The following MYPOP variants were observed in gnomAD, a reference collection of about 807,000 sequenced individuals.
MYPOP encodes myb-related transcription factor, partner of profilin.
In MYPOP, 21 loss-of-function variants were observed where a neutral mutation model predicts 25.7. That is an observed-to-expected ratio of 0.82 (90% CI 0.58 to 1.18). The LOEUF (loss-of-function observed/expected upper bound fraction) is 1.18. MYPOP is among the 50% of genes most tolerant of loss of function. The pLI, the probability that MYPOP is intolerant of heterozygous loss-of-function variation, is 0.00. For synonymous variants in MYPOP, 280 were observed against 247.9 expected (o/e 1.13, Z -1.22); for missense variants, 566 against 588.3 (o/e 0.96, Z 0.39).
rs965820452 is a variant in MYPOP, at chr19:45,901,992, C to G, written c.-52-167G>C. 2.0e-5 allele frequency among the ~76,000 whole-genome samples: 3 copies of G among 151,322 alleles called. No homozygotes were observed. Among genetic ancestry groups the G allele is most frequent in the African/African-American group, 7.3e-5 (3 of 41,176 alleles). On this transcript the variant is annotated intron_variant, in intron 1 of 2. Transcript: ENST00000322217. This position sits in a 1 kb window ranked among gnomAD's most constrained non-coding sequence, Gnocchi z 5.7. Reference sequence around the variant, plus strand: ...GTAAGTCGGAAGCGCCTAAGAGTAGCTGACACCGGCTGAGCGCTTGGCTCG... The same window carrying G: ...GTAAGTCGGAAGCGCCTAAGAGTAGGTGACACCGGCTGAGCGCTTGGCTCG...
intron 2 of MYPOP, among the ~76,000 whole-genome samples, chr19:45,893,890 C>T (rs1243388900): frequency 2.0e-5 from 3 of 148,760 alleles, no homozygotes; most frequent in East Asian, 2.0e-4. Context: ...CCTGGGTTCA[C>T]GCCATTCTCC....
At chr19:45,899,208 A>G (rs1381690967) in intron 2 of MYPOP, among the ~76,000 whole-genome samples, 1 of 152,226 alleles carries the variant, frequency 6.6e-6, no homozygotes. Flanking sequence ...CCTGGGCAAT[A>G]AGAGCAAAAC....
intron 2 of MYPOP, among the ~76,000 whole-genome samples, chr19:45,892,283 A>C (rs1280056099): frequency 1.3e-5 from 2 of 152,158 alleles, no homozygotes; most frequent in Non-Finnish European, 1.5e-5. Flanking sequence ...CTGGATCCTG[A>C]GGAAGTGAGA....
chr19:45,896,459 TAA>T (rs1268036939), intron 2 of MYPOP, among the ~76,000 whole-genome samples: 1 of 152,070 alleles, frequency 6.6e-6, no homozygotes, highest in Non-Finnish European at 1.5e-5. Flanking sequence ...GCTCCCCTCT[TAA>T]GTGATTCCAC....
At chr19:45,900,870 C>T (rs1024086736) in intron 2 of MYPOP, among the ~76,000 whole-genome samples, 2 of 152,176 alleles carry the variant, frequency 1.3e-5, no homozygotes, top group Admixed American at 6.6e-5. Context: ...CACAGCAACG[C>T]TTTGAGGTGC....
rs1439627699 is a variant in MYPOP at position 45,891,833 on chromosome 19, C to T, written c.500-510G>A. On this transcript the variant is annotated intron_variant, in intron 2 of 2. Coordinates refer to ENST00000322217, the MANE Select transcript of MYPOP (RefSeq NM_001012643.4). ...TGTACCCGGAGGAGAAAAAGTCCTGCCAGCTTTAGTGGAAACAGGTCCTGG... is the reference window on the plus strand; with the variant it reads ...TGTACCCGGAGGAGAAAAAGTCCTGTCAGCTTTAGTGGAAACAGGTCCTGG... 3.3e-5 allele frequency among the ~76,000 whole-genome samples: 5 copies of T among 152,184 alleles called. No homozygotes were observed. The East Asian group carries it at 9.6e-4, about 29-fold the overall frequency.
chr19:45,897,099 C>T (rs999798342), intron 2 of MYPOP, among the ~76,000 whole-genome samples: 2 of 150,858 alleles, frequency 1.3e-5, no homozygotes, highest in African/African-American at 2.4e-5. Flanking sequence ...AGGCTCACTC[C>T]ATCACCCAGG....
Position 45,901,145 on chromosome 19 carries a change from C to T in MYPOP, c.499+130G>A. ...AGGCAAGTCATTTCATTTTTCTGAG[C>T]TTCAGTTTCCCTAGCTATAAAATGG... On this transcript the variant is annotated intron_variant, in intron 2 of 2. Coordinates refer to ENST00000322217, the MANE Select transcript of MYPOP (RefSeq NM_001012643.4). The surrounding 1 kb of genome is among the most constrained non-coding windows in gnomAD (Gnocchi z 5.7). The T allele has an allele frequency of 6.6e-6, 6 of 902,306 alleles. No individual in the cohort carries two copies. Among genetic ancestry groups the T allele is most frequent in the Non-Finnish European group, 9.1e-6 (6 of 661,004 alleles). The allele number at this position is 902,306 out of a possible 1,614,324, so 55.9% of individuals were successfully genotyped here.
intron 2 of MYPOP, among the ~76,000 whole-genome samples, chr19:45,894,040 C>G (rs1328340912): frequency 6.6e-6 from 1 of 151,032 alleles, no homozygotes; most frequent in Non-Finnish European, 1.5e-5. Context: ...CTGCCCACCT[C>G]AGCCTCCCAA....
chr19:45,899,043 A>G (rs886573656), intron 2 of MYPOP, among the ~76,000 whole-genome samples: 4 of 152,082 alleles, frequency 2.6e-5, no homozygotes, highest in African/African-American at 9.7e-5. Context: ...CCTGACCAAC[A>G]TGGAGAAACC....
At position 45,896,618 on chromosome 19, in the gene MYPOP, C is replaced by CT. The variant is rs760658668; in HGVS notation, c.499+4656dup. On this transcript the variant is annotated intron_variant, in intron 2 of 2. Transcript: ENST00000322217. ...ACCCAGGTTGACTCCAGAGTCCATT[C>CT]TTTTTTTTTTTTTTTTTTGAGACGG... 8.5e-3 allele frequency among the ~76,000 whole-genome samples: 1,140 copies of CT among 134,790 alleles called. 7 individuals are homozygous for CT. The highest frequency in any genetic ancestry group is 0.012 in the Non-Finnish European group (737 of 62,522). The allele number at this position is 134,790 out of a possible 152,430, so 88.4% of individuals were successfully genotyped here. A position where few individuals can be genotyped will look rare whatever the true frequency, so the allele number is the denominator to read the frequency against.
chr19:45,897,207 C>T (rs940658133), intron 2 of MYPOP, among the ~76,000 whole-genome samples: 5 of 151,918 alleles, frequency 3.3e-5, no homozygotes, highest in Non-Finnish European at 5.9e-5. Context: ...GAATTATAGG[C>T]ATATGCCACC....
At chr19:45,900,058 C>T (rs1967264956) in intron 2 of MYPOP, among the ~76,000 whole-genome samples, 2 of 152,170 alleles carry the variant, frequency 1.3e-5, no homozygotes, top group Non-Finnish European at 1.5e-5. Context: ...GCTGTGTGAC[C>T]TTGGGTGGGT....
intron 2 of MYPOP, among the ~76,000 whole-genome samples, chr19:45,899,028 A>G (rs34228970): frequency 6.6e-6 from 1 of 152,104 alleles, no homozygotes; most frequent in Non-Finnish European, 1.5e-5. Flanking sequence ...GGAGTTCGAG[A>G]CCAGCCTGAC....
At chr19:45,896,065 C>T (rs975206850) in intron 2 of MYPOP, among the ~76,000 whole-genome samples, 2 of 152,094 alleles carry the variant, frequency 1.3e-5, no homozygotes, top group East Asian at 3.9e-4. Context: ...CCCAGGCAGG[C>T]GGATCACCTG....
chr19:45,900,379 C>A (rs1967269416), intron 2 of MYPOP, among the ~76,000 whole-genome samples: 7 of 152,160 alleles, frequency 4.6e-5, no homozygotes, highest in Admixed American at 4.6e-4. Flanking sequence ...AAAATACTTT[C>A]CCAGTTCTTC....
intron 2 of MYPOP, among the ~76,000 whole-genome samples, chr19:45,893,046 G>T (rs1233251302): frequency 2.6e-5 from 4 of 152,164 alleles, no homozygotes; most frequent in Non-Finnish European, 5.9e-5. Context: ...GGCCGAGGCG[G>T]GTGGATCACC....
Position 45,891,236 on chromosome 19 carries a change from C to A in MYPOP, c.587G>T (p.Arg196Leu). ...GGGTGGTGACTCACGCTCCTTGGGC[C>A]GTGGGCAGCCCCCTTCCTGGGGAGT... ...SCTPQEGGCP[R>L]PKERESPPPS... Residue 196 changes from arginine (R) to leucine (L), a missense_variant, in exon 3 of 3, where the codon CGG (arginine) becomes CTG (leucine). By Grantham distance (102) the Arg-to-Leu change is moderately radical. Transcript: ENST00000322217. 6.5e-7 allele frequency: 1 copy of A among 1,543,850 alleles called. No individual in the cohort carries two copies.
intron 2 of MYPOP, among the ~76,000 whole-genome samples, chr19:45,892,788 G>C (rs1967144480): frequency 2.6e-5 from 4 of 152,174 alleles, no homozygotes; most frequent in Admixed American, 2.6e-4. Context: ...CCAACCACCA[G>C]TATCTCCCAC....
Sources: gnomAD v4.1 joint callset for allele counts (sites outside exome capture counted in the v4.1 genomes callset) on GRCh38, gnomAD v4.1.1 for gene constraint, Gnocchi (gnomAD v3.1) non-coding constraint, MANE v1.5 for transcripts, NCBI Gene and HGNC (gene_info 2026-07-23, HGNC 2026-07-21) for gene names.